The following DNAH9 variants were observed in gnomAD, a reference collection of about 807,000 sequenced individuals.
DNAH9 encodes the protein dynein axonemal heavy chain 9.
A neutral mutation model predicts 471.6 loss-of-function variants in DNAH9; 345 were observed. The observed-to-expected ratio is 0.73, with a 90% confidence interval of 0.67 to 0.80. The LOEUF is 0.80. Among genes scored for constraint, DNAH9 ranks in the 30% least tolerant of loss-of-function variants. The pLI is 0.00. For missense variants in DNAH9, 5,407 were observed against 5,609.2 expected, an observed-to-expected ratio of 0.96 and a Z score of 1.15; for synonymous variants, 2,093 against 2,123.6, an observed-to-expected ratio of 0.99 and a Z score of 0.40.
chr17:11,620,005 G>A (rs2072822107), intron 6 of DNAH9: 1 of 535,544 alleles, frequency 1.9e-6, no homozygotes, highest in African/African-American at 1.9e-5. Context: ...GAGCCCAGGA[G>A]TTTAAAACCA....
At chr17:11,893,769 T>C (rs901937960) in intron 58 of DNAH9, among the ~76,000 whole-genome samples, 1 of 152,142 alleles carries the variant, frequency 6.6e-6, no homozygotes, top group African/African-American at 2.4e-5. Flanking sequence ...CATGCAGGGC[T>C]TCAAACCTAG....
At chr17:11,759,864 T>A (rs1967590384) in intron 35 of DNAH9, among the ~76,000 whole-genome samples, 1 of 152,110 alleles carries the variant, frequency 6.6e-6, no homozygotes, top group Admixed American at 6.5e-5. Flanking sequence ...TATTTTGTAT[T>A]TTTAGTAGAG....
intron 48 of DNAH9, among the ~76,000 whole-genome samples, chr17:11,829,924 G>A (rs192148199): frequency 2.0e-5 from 3 of 152,296 alleles, no homozygotes; most frequent in Admixed American, 2.0e-4. Context: ...ATTGCATTGT[G>A]ACATAGTCAC....
At chr17:11,738,012 A>C (rs2075374999) in intron 28 of DNAH9, among the ~76,000 whole-genome samples, 1 of 152,352 alleles carries the variant, frequency 6.6e-6, no homozygotes, top group Admixed American at 6.5e-5. Flanking sequence ...TCAGCAGGTA[A>C]CTATGGCATC....
chr17:11,768,649 G>A, intron 37 of DNAH9, 23 bp downstream of exon 37: 1 of 1,608,816 alleles, frequency 6.2e-7, no homozygotes, highest in Non-Finnish European at 8.5e-7. Context: ...GAGCAGCCGA[G>A]GACGTGCGTG....
At chr17:11,945,613 T>C (rs1975088578) in intron 67 of DNAH9, among the ~76,000 whole-genome samples, 1 of 148,994 alleles carries the variant, frequency 6.7e-6, no homozygotes, top group South Asian at 2.1e-4. Flanking sequence ...ACATACAAAG[T>C]GGAATAACCA....
At chr17:11,704,769 G>A (rs2074669924) in intron 25 of DNAH9, among the ~76,000 whole-genome samples, 1 of 152,130 alleles carries the variant, frequency 6.6e-6, no homozygotes, top group African/African-American at 2.4e-5. Context: ...TTTTAGTAGA[G>A]ACGGGGTTTC....
At chr17:11,954,529 A>G (rs1567574161) in intron 67 of DNAH9, among the ~76,000 whole-genome samples, 1 of 151,516 alleles carries the variant, frequency 6.6e-6, no homozygotes. Context: ...GTGGAGAACT[A>G]TCATTAAAGT....
intron 27 of DNAH9, among the ~76,000 whole-genome samples, 161 bp from the exon 28 acceptor site, chr17:11,727,657 C>G (rs113209640): frequency 5.2e-4 from 79 of 152,300 alleles, no homozygotes; most frequent in African/African-American, 1.8e-3. Context: ...ACCCCATAAC[C>G]ATCAAACATT....
intron 17 of DNAH9, among the ~76,000 whole-genome samples, chr17:11,671,927 A>G (rs2073979053): frequency 6.6e-6 from 1 of 152,188 alleles, no homozygotes; most frequent in African/African-American, 2.4e-5. Flanking sequence ...AAGACAGCCC[A>G]ACTGGATTCT....
chr17:11,601,453 G>A (rs1023903105), intron 1 of DNAH9, among the ~76,000 whole-genome samples: 14 of 152,026 alleles, frequency 9.2e-5, no homozygotes, highest in African/African-American at 3.4e-4. Context: ...AGGGGTAGGT[G>A]GAAGATTTAC....
rs188739384 is a variant in DNAH9, at chr17:11,668,966, T to G, written c.2732-98T>G. 4 of 851,788 alleles carry G rather than the reference T, an allele frequency of 4.7e-6. No homozygotes were observed. In the Admixed American group the frequency reaches 9.4e-5, roughly 20 times the overall value. 52.8% of individuals were successfully genotyped at this position (851,788 alleles called of 1,614,324 possible). On this transcript the variant is annotated intron_variant, in intron 15 of 68. Coordinates refer to ENST00000262442, the MANE Select transcript of DNAH9 (RefSeq NM_001372.4). The stretch of plus-strand genomic sequence containing the variant: ...TTTCCCTACAGTCTAGCAGCCTATC[T>G]AAAGAAAAGCATTGCTCTGGGTGCT...
At chr17:11,810,166 C>G in intron 44 of DNAH9, 80 bp from the exon 45 acceptor site, 5 of 1,488,196 alleles carry the variant, frequency 3.4e-6, no homozygotes, top group Non-Finnish European at 4.5e-6. Flanking sequence ...GAAAACGGTT[C>G]CATTTCTAAA....
rs899687183 is a variant in DNAH9 at position 11,598,510 on chromosome 17, G to A, written c.12G>A (p.Ala4=). The change falls in exon 1 of 69, where the codon GCG becomes GCA. Residue 4 remains alanine (A), a synonymous_variant. Coordinates refer to ENST00000262442, the MANE Select transcript of DNAH9 (RefSeq NM_001372.4). ...GGAGGCCGCGCGCGATGCGGCTCGC[G>A]GAGGAGCGGGCCGCGCTCGCGGCGG... MRL[A]EERAALAAEN... is the part of the protein sequence containing the mutation. 19 of 1,379,108 alleles carry A rather than the reference G, an allele frequency of 1.4e-5. No individual in the cohort carries two copies. Among genetic ancestry groups the A allele is most frequent in the Admixed American group, 1.1e-4 (3 of 26,466 alleles). 85.4% of individuals were successfully genotyped at this position (1,379,108 alleles called of 1,614,324 possible).
At chr17:11,903,951 C>G (rs1008285332) in intron 60 of DNAH9, among the ~76,000 whole-genome samples, 5 of 151,742 alleles carry the variant, frequency 3.3e-5, no homozygotes, top group Non-Finnish European at 5.9e-5. Flanking sequence ...CCAGGGAGAC[C>G]AAGATACTGA....
At chr17:11,798,878 A>G (rs1259724363) in intron 43 of DNAH9, among the ~76,000 whole-genome samples, 1 of 151,814 alleles carries the variant, frequency 6.6e-6, no homozygotes, top group East Asian at 1.9e-4. Flanking sequence ...CCCCCACCCC[A>G]ATGGCACATT....
At chr17:11,615,015 G>A (rs2072713027) in intron 4 of DNAH9, among the ~76,000 whole-genome samples, 1 of 152,168 alleles carries the variant, frequency 6.6e-6, no homozygotes, top group African/African-American at 2.4e-5. Flanking sequence ...AGGGCTGTCT[G>A]GAGCCAGTGC....
At chr17:11,935,826 C>T (rs1037936244) in intron 65 of DNAH9, among the ~76,000 whole-genome samples, 1 of 151,898 alleles carries the variant, frequency 6.6e-6, no homozygotes, top group Non-Finnish European at 1.5e-5. Context: ...AAGGGTAAAT[C>T]GTAAAAGTCA....
chr17:11,607,639 G>A (rs1016116743), intron 1 of DNAH9, among the ~76,000 whole-genome samples: 3 of 151,918 alleles, frequency 2.0e-5, no homozygotes, highest in Non-Finnish European at 2.9e-5. Context: ...GTGTGATCTC[G>A]ACTCACTGCA....
Sources: gnomAD v4.1 joint callset for allele counts (sites outside exome capture counted in the v4.1 genomes callset) on GRCh38, gnomAD v4.1.1 for gene constraint, MANE v1.5 for transcripts, NCBI Gene and HGNC (gene_info 2026-07-23, HGNC 2026-07-21) for gene names.